The following PMF1 variants were observed in gnomAD, a reference collection of about 807,000 sequenced individuals.
PMF1 encodes polyamine modulated factor 1.
A neutral mutation model predicts 26.7 loss-of-function variants in PMF1; 21 were observed. That is an observed-to-expected ratio of 0.79 (90% CI 0.56 to 1.13). The LOEUF is 1.13. Ranked by LOEUF, PMF1 falls within the 50% of genes most tolerant of loss-of-function variation. The pLI is 0.00. For missense variants in PMF1, 266 were observed against 254.9 expected (o/e 1.04, Z -0.30); for synonymous variants, 105 against 101.0 (o/e 1.04, Z -0.24).
intron 1 of PMF1, among the ~76,000 whole-genome samples, chr1:156,228,186 C>T (rs1336441813): frequency 2.1e-5 from 3 of 145,154 alleles, no homozygotes; most frequent in Non-Finnish European, 3.0e-5. Context: ...CTGCTCCTGA[C>T]CTCAGGTGAT....
At chr1:156,216,739 C>T (rs1189864842) in intron 1 of PMF1, among the ~76,000 whole-genome samples, 1 of 151,826 alleles carries the variant, frequency 6.6e-6, no homozygotes, top group Non-Finnish European at 1.5e-5. Flanking sequence ...CCACTGGCTC[C>T]GTGCCGTGCG....
intron 1 of PMF1, among the ~76,000 whole-genome samples, chr1:156,218,780 T>TCAAAAACAAAAA (rs983291353): frequency 6.6e-6 from 1 of 151,822 alleles, no homozygotes; most frequent in African/African-American, 2.4e-5. Context: ...AGACTCCGTC[T>TCAAAAACAAAAA]CAAAAACAAA....
In PMF1 at chr1:156,220,120, C is replaced by T. The variant is rs373658768; in HGVS notation, c.161+6944C>T. On this transcript the variant is annotated intron_variant, in intron 1 of 4. Coordinates refer to ENST00000368277, the MANE Select transcript of PMF1 (RefSeq NM_007221.4). ...CTGGGACTACAGGCACCCGCCACCACGCCCGGCTAATTTTTTTCTATTTTT... is the reference window on the plus strand; with the variant it reads ...CTGGGACTACAGGCACCCGCCACCATGCCCGGCTAATTTTTTTCTATTTTT... Among the ~76,000 whole-genome samples the T allele has an allele frequency of 2.7e-3, 409 of 152,130 alleles. 1 individual carries two copies. The highest frequency in any genetic ancestry group is 9.5e-3 in the African/African-American group (393 of 41,470).
intron 1 of PMF1, chr1:156,220,611 T>C (rs1283057566): frequency 6.6e-6 from 1 of 152,100 alleles, no homozygotes; most frequent in Non-Finnish European, 1.5e-5. Context: ...CTAAATACTT[T>C]GGAGATATAT....
chr1:156,236,539 C>A (rs61183482), intron 4 of PMF1, 56 bp downstream of exon 4: 1 of 1,527,968 alleles, frequency 6.5e-7, no homozygotes, highest in African/African-American at 1.4e-5. Context: ...CTCTGAGATC[C>A]GCAAATTGGT....
chr1:156,236,066 G>C (rs952400751), intron 3 of PMF1, among the ~76,000 whole-genome samples: 2 of 152,204 alleles, frequency 1.3e-5, no homozygotes, highest in African/African-American at 4.8e-5. Flanking sequence ...AAGTGAGAAG[G>C]GGGAGAGGTG....
chr1:156,234,636 G>A (rs1402319608), intron 3 of PMF1, among the ~76,000 whole-genome samples: 1 of 151,912 alleles, frequency 6.6e-6, no homozygotes, highest in East Asian at 1.9e-4. Flanking sequence ...AGCCTCTTGA[G>A]TAGCTGGAAT....
intron 1 of PMF1, among the ~76,000 whole-genome samples, chr1:156,229,775 G>T (rs577698439): frequency 6.6e-6 from 1 of 152,216 alleles, no homozygotes; most frequent in East Asian, 1.9e-4. Flanking sequence ...GTTTCTCCAT[G>T]TTGGTCAGGC....
intron 2 of PMF1, among the ~76,000 whole-genome samples, chr1:156,232,835 C>T (rs1020174110): frequency 5.9e-5 from 9 of 151,704 alleles, no homozygotes; most frequent in African/African-American, 2.2e-4. Context: ...GCTGGAATTA[C>T]ATGAACTACC....
chr1:156,216,843 C>A (rs2475757), intron 1 of PMF1, among the ~76,000 whole-genome samples: 1 of 151,818 alleles, frequency 6.6e-6, no homozygotes, highest in African/African-American at 2.4e-5. Context: ...CCGGCCGGCC[C>A]GCCTCCGCTC....
chr1:156,237,361 C>T (rs949640450), intron 4 of PMF1: 1 of 152,180 alleles, frequency 6.6e-6, no homozygotes, highest in African/African-American at 2.4e-5. Context: ...CACCCTTTCC[C>T]CCAGCCTCTG....
intron 3 of PMF1, among the ~76,000 whole-genome samples, chr1:156,236,009 A>G (rs1658986881): frequency 6.6e-6 from 1 of 152,096 alleles, no homozygotes; most frequent in Non-Finnish European, 1.5e-5. Flanking sequence ...GTGTGGAGGA[A>G]AGGAGGGGAA....
intron 1 of PMF1, among the ~76,000 whole-genome samples, chr1:156,229,962 A>G (rs917559148): frequency 7.9e-5 from 12 of 152,182 alleles, no homozygotes; most frequent in African/African-American, 2.9e-4. Flanking sequence ...AGTTCCTGGA[A>G]ATTTGGCAGT....
intron 1 of PMF1, among the ~76,000 whole-genome samples, chr1:156,222,330 T>C (rs563622387): frequency 6.6e-6 from 1 of 152,278 alleles, no homozygotes; most frequent in South Asian, 2.1e-4. Context: ...AGGAACTTAC[T>C]CTCAGCTGGT....
chr1:156,213,284 G>GGGCGGGGCAGTCGGACGA lies in PMF1; in HGVS notation c.161+113_161+130dup, dbSNP rs1278699483. 31 of 1,497,190 alleles carry GGGCGGGGCAGTCGGACGA rather than the reference G, an allele frequency of 2.1e-5. No homozygotes were observed. The African/African-American group carries it at 3.8e-4, about 18-fold the overall frequency. The allele number at this position is 1,497,190 out of a possible 1,614,324, so 92.7% of individuals were successfully genotyped here. On this transcript the variant is annotated intron_variant, in intron 1 of 4. Coordinates refer to ENST00000368277, the MANE Select transcript of PMF1 (RefSeq NM_007221.4). The stretch of plus-strand genomic sequence containing the variant: ...GCGCGGTGACGTGGGTCCGCGTTGG[G>GGGCGGGGCAGTCGGACGA]GGCGGGGCAGTCGGACGAGGCGACC...
intron 3 of PMF1, among the ~76,000 whole-genome samples, chr1:156,235,111 AC>A (rs1658928107): frequency 7.0e-6 from 1 of 141,916 alleles, no homozygotes; most frequent in Non-Finnish European, 1.5e-5. Flanking sequence ...AAGTTTCACA[AC>A]TGAAAAAGAA....
At chr1:156,216,291 T>G (rs1657695198) in intron 1 of PMF1, among the ~76,000 whole-genome samples, 1 of 152,090 alleles carries the variant, frequency 6.6e-6, no homozygotes, top group Non-Finnish European at 1.5e-5. Flanking sequence ...CTCGGGAGGC[T>G]GAAGCAGGAG....
intron 1 of PMF1, among the ~76,000 whole-genome samples, chr1:156,230,410 T>G (rs1658626259): frequency 6.6e-6 from 1 of 152,242 alleles, no homozygotes. Flanking sequence ...GATTATCACT[T>G]GCATGTGAGT....
chr1:156,220,057 G>A (rs1288217362), intron 1 of PMF1, among the ~76,000 whole-genome samples: 1 of 147,822 alleles, frequency 6.8e-6, no homozygotes, highest in Admixed American at 6.8e-5. Context: ...TCCACCTCCC[G>A]GGTTCACGCC....
Sources: gnomAD v4.1 joint callset for allele counts (sites outside exome capture counted in the v4.1 genomes callset) on GRCh38, gnomAD v4.1.1 for gene constraint, MANE v1.5 for transcripts, NCBI Gene and HGNC (gene_info 2026-07-23, HGNC 2026-07-21) for gene names.